The following DIAPH3 variants were observed in gnomAD, a reference collection of about 807,000 sequenced individuals.
The protein encoded by DIAPH3 is protein diaphanous homolog 3.
DIAPH3 carries 117 observed loss-of-function variants against 144.3 expected under a neutral mutation model. The ratio of observed to expected loss-of-function variants is 0.81; its 90% CI spans 0.70 to 0.95. The LOEUF is 0.95. DIAPH3 is among the 40% of genes least tolerant of loss of function. The probability of loss-of-function intolerance (pLI) is 0.00; values close to 1 mark genes in which losing one functional copy is unlikely to be tolerated. For missense variants in DIAPH3, 1,421 were observed against 1,412.7 expected, an observed-to-expected ratio of 1.01 and a Z score of -0.09; for synonymous variants, 519 against 488.9, an observed-to-expected ratio of 1.06 and a Z score of -0.81.
chr13:59,769,949 ATGCCCTGTACTC>A (rs2038039597), intron 27 of DIAPH3, among the ~76,000 whole-genome samples: 1 of 152,154 alleles, frequency 6.6e-6, no homozygotes, highest in Admixed American at 6.6e-5. Flanking sequence ...AAAATAGATA[ATGCCCTGTACTC>A]ATCAACAAAT....
chr13:59,827,470 G>A (rs929068455), intron 24 of DIAPH3, among the ~76,000 whole-genome samples: 2 of 152,010 alleles, frequency 1.3e-5, no homozygotes, highest in Non-Finnish European at 2.9e-5. Context: ...GGTGTGAAGA[G>A]GATGAAAGCA....
chr13:60,045,117 G>A (rs890643360), intron 4 of DIAPH3, among the ~76,000 whole-genome samples: 26 of 152,032 alleles, frequency 1.7e-4, no homozygotes, highest in African/African-American at 6.3e-4. Flanking sequence ...TGAGGCGGGC[G>A]GATCACCTGA....
chr13:60,126,713 G>A (rs1469742750), intron 2 of DIAPH3, among the ~76,000 whole-genome samples: 1 of 152,092 alleles, frequency 6.6e-6, no homozygotes, highest in East Asian at 1.9e-4. Flanking sequence ...CTCTGACCAC[G>A]AGGGAACTAA....
At chr13:60,087,284 C>A (rs1264764914) in intron 4 of DIAPH3, among the ~76,000 whole-genome samples, 2 of 152,104 alleles carry the variant, frequency 1.3e-5, no homozygotes, top group Non-Finnish European at 2.9e-5. Flanking sequence ...TAGTTCTTTT[C>A]TGATCAAGAT....
rs959029532 is a variant in DIAPH3 at position 59,899,630 on chromosome 13, C to T, written c.2367+12105G>A. On this transcript the variant is annotated intron_variant, in intron 20 of 27. Coordinates refer to ENST00000400324, the MANE Select transcript of DIAPH3 (RefSeq NM_001042517.2). Reference sequence around the variant, plus strand: ...AGCCTTGTAGACTACTACAAGAATTCTGGACTTTCCTCTGAGGTGGGAAGT... The same window carrying T: ...AGCCTTGTAGACTACTACAAGAATTTTGGACTTTCCTCTGAGGTGGGAAGT... 1.7e-4 allele frequency among the ~76,000 whole-genome samples: 26 copies of T among 152,156 alleles called. 1 individual carries two copies. The highest frequency in any genetic ancestry group is 2.4e-5 in the African/African-American group (1 of 41,434).
At chr13:59,820,703 T>C (rs1011472291) in intron 24 of DIAPH3, among the ~76,000 whole-genome samples, 15 of 151,478 alleles carry the variant, frequency 9.9e-5, no homozygotes, top group South Asian at 6.2e-4. Flanking sequence ...ATCAGTCTTA[T>C]TTTATGTTAT....
At chr13:60,078,717 T>C (rs2057453884) in intron 4 of DIAPH3, among the ~76,000 whole-genome samples, 1 of 151,892 alleles carries the variant, frequency 6.6e-6, no homozygotes, top group Admixed American at 6.6e-5. Flanking sequence ...ATATTTTCAA[T>C]TCATATATAT....
chr13:59,686,982 C>T (rs191283234), intron 27 of DIAPH3, among the ~76,000 whole-genome samples: 73 of 152,166 alleles, frequency 4.8e-4, no homozygotes, highest in African/African-American at 1.7e-3. Context: ...GTAAAAGCAC[C>T]AACCATTTCT....
At chr13:60,162,949 C>T (rs1448206520) in intron 1 of DIAPH3, among the ~76,000 whole-genome samples, 1 of 152,138 alleles carries the variant, frequency 6.6e-6, no homozygotes, top group Non-Finnish European at 1.5e-5. Context: ...TTTATTTACA[C>T]ACACAAACCC....
chr13:60,010,756 T>A (rs746423257), intron 7 of DIAPH3, 87 bp from the exon 8 acceptor site: 7 of 1,331,012 alleles, frequency 5.3e-6, no homozygotes, highest in South Asian at 5.2e-5. Flanking sequence ...TTAAAAAAAA[T>A]TTATAGGACA....
rs540545847 is a variant in DIAPH3 at position 60,108,600 on chromosome 13, C to T, written c.390+3410G>A. On this transcript the variant is annotated intron_variant, in intron 3 of 27. Coordinates refer to ENST00000400324, the MANE Select transcript of DIAPH3 (RefSeq NM_001042517.2). ...CAGCCTGGGTGACACAGCAAGACTC[C>T]GTCTCGAAAAAAAAATAAAAATTAA... Among the ~76,000 whole-genome samples the T allele has an allele frequency of 7.9e-5, 12 of 151,142 alleles. No individual in the cohort carries two copies. In the East Asian group the frequency reaches 1.7e-3, roughly 22 times the overall value.
At chr13:60,071,414 T>C (rs1251232534) in intron 4 of DIAPH3, among the ~76,000 whole-genome samples, 1 of 152,230 alleles carries the variant, frequency 6.6e-6, no homozygotes, top group African/African-American at 2.4e-5. Flanking sequence ...TTCATATTTA[T>C]CCTTCAGATA....
chr13:60,090,441 TTAAG>T (rs1185290805), intron 4 of DIAPH3, among the ~76,000 whole-genome samples: 1 of 152,042 alleles, frequency 6.6e-6, no homozygotes, highest in Non-Finnish European at 1.5e-5. Context: ...ACTTTGAGGG[TTAAG>T]TATTTTCAAA....
intron 24 of DIAPH3, among the ~76,000 whole-genome samples, chr13:59,826,057 A>C (rs1433532813): frequency 6.6e-6 from 1 of 152,140 alleles, no homozygotes; most frequent in Non-Finnish European, 1.5e-5. Context: ...ATCTAGGACA[A>C]ACCCACAGCC....
At chr13:59,801,240 A>G (rs768827191) in intron 25 of DIAPH3, among the ~76,000 whole-genome samples, 2 of 152,164 alleles carry the variant, frequency 1.3e-5, no homozygotes, top group South Asian at 2.1e-4. Context: ...CAAGCAAACA[A>G]TCTTCTTGAC....
chr13:59,953,964 T>A (rs1382344706), intron 17 of DIAPH3, among the ~76,000 whole-genome samples: 1 of 152,174 alleles, frequency 6.6e-6, no homozygotes, highest in Admixed American at 6.5e-5. Flanking sequence ...TTTCTAAGTG[T>A]CAAGAAACAA....
intron 21 of DIAPH3, among the ~76,000 whole-genome samples, chr13:59,866,828 G>T (rs2043953461): frequency 6.6e-6 from 1 of 151,712 alleles, no homozygotes; most frequent in Non-Finnish European, 1.5e-5. Flanking sequence ...AAAAATAAAG[G>T]TATCTACGTG....
intron 7 of DIAPH3, among the ~76,000 whole-genome samples, chr13:60,013,819 C>T (rs994818151): frequency 6.6e-6 from 1 of 152,038 alleles, no homozygotes; most frequent in Non-Finnish European, 1.5e-5. Flanking sequence ...CAACCATTAA[C>T]CAATCTTGAA....
intron 27 of DIAPH3, among the ~76,000 whole-genome samples, chr13:59,729,810 A>ATTTTTTTTTTTTTT (rs59987412): frequency 1.8e-4 from 24 of 134,236 alleles, no homozygotes; most frequent in African/African-American, 6.4e-4. Flanking sequence ...ATACATTAAT[A>ATTTTTTTTTTTTTT]TTTTTTTTTT....
Sources: gnomAD v4.1 joint callset for allele counts (sites outside exome capture counted in the v4.1 genomes callset) on GRCh38, gnomAD v4.1.1 for gene constraint, MANE v1.5 for transcripts, NCBI Gene and HGNC (gene_info 2026-07-23, HGNC 2026-07-21) for gene names.